The following CNOT2 variants were observed in gnomAD, a reference collection of about 807,000 sequenced individuals.
The protein encoded by CNOT2 is CC chemokine receptor 4-negative regulator of transcription 2.
CNOT2 carries 7 observed loss-of-function variants against 72.1 expected under a neutral mutation model. That is an observed-to-expected ratio of 0.10 (90% CI 0.06 to 0.18). The LOEUF (loss-of-function observed/expected upper bound fraction) is 0.18. Among genes scored for constraint, CNOT2 ranks in the 10% least tolerant of loss-of-function variants. CNOT2 has a pLI of 1.00. For synonymous variants in CNOT2, 196 were observed against 225.6 expected (o/e 0.87, Z 1.17); for missense variants, 345 against 660.3 (o/e 0.52, Z 5.23).
chr12:70,344,271 C>A, intron 14 of CNOT2, 43 bp downstream of exon 14: 1 of 1,186,236 alleles, frequency 8.4e-7, no homozygotes, highest in Non-Finnish European at 1.3e-6. Flanking sequence ...TATAGTGGAT[C>A]TTGACTATGC....
intron 2 of CNOT2, among the ~76,000 whole-genome samples, chr12:70,298,669 A>C (rs1873258079): frequency 6.6e-6 from 1 of 151,794 alleles, no homozygotes; most frequent in Non-Finnish European, 1.5e-5. Flanking sequence ...TTTAGTGTGA[A>C]AGTTTCAAAG....
chr12:70,269,685 G>T (rs1221859255), intron 1 of CNOT2, among the ~76,000 whole-genome samples: 1 of 152,168 alleles, frequency 6.6e-6, no homozygotes, highest in Non-Finnish European at 1.5e-5. Context: ...CATCACAGGT[G>T]CCTCTAGCAC....
intron 6 of CNOT2, 115 bp from the exon 7 acceptor site, chr12:70,332,652 G>T (rs1196560170): frequency 3.1e-6 from 4 of 1,290,938 alleles, no homozygotes; most frequent in Admixed American, 3.1e-5. Flanking sequence ...TATTAGTGTT[G>T]GTTTTGAAAC....
At chr12:70,343,585 T>C (rs1881781396) in intron 13 of CNOT2, among the ~76,000 whole-genome samples, 2 of 152,182 alleles carry the variant, frequency 1.3e-5, no homozygotes, top group South Asian at 4.1e-4. Context: ...CAGATATAGA[T>C]TCAGTTTAAC....
Position 70,253,735 on chromosome 12 carries a change from G to C in CNOT2, c.-96+10255G>C, listed in dbSNP as rs530394790. ...ACTGTAGAGCATGTCAAAGTATCAT[G>C]ATAATTATTCCTGATTATTAGTTAC... On this transcript the variant is annotated intron_variant, in intron 1 of 15. Transcript: ENST00000229195. 6.1e-4 allele frequency among the ~76,000 whole-genome samples: 93 copies of C among 152,234 alleles called. 1 individual carries two copies. In the South Asian group the frequency reaches 0.019, roughly 31 times the overall value.
intron 2 of CNOT2, among the ~76,000 whole-genome samples, chr12:70,289,067 CTT>C (rs1272051579): frequency 2.0e-5 from 3 of 151,086 alleles, no homozygotes; most frequent in African/African-American, 7.3e-5. Flanking sequence ...ACTTCTCTTC[CTT>C]TTTTCTTTCT....
chr12:70,261,551 CGTT>C lies in CNOT2; in HGVS notation c.-95-16578_-95-16576del, dbSNP rs1441697657. ...CAGGATGGTCTCAATCTCCTGACCT[CGTT>C]GTCCTCCTGCCTCAGCCTCCCAAAG... On this transcript the variant is annotated intron_variant, in intron 1 of 15. Transcript: ENST00000229195. 7.2e-5 allele frequency among the ~76,000 whole-genome samples: 11 copies of C among 151,794 alleles called. 1 individual carries two copies. In the South Asian group the frequency reaches 1.9e-3, roughly 26 times the overall value.
At chr12:70,326,285 G>A (rs1199589337) in intron 4 of CNOT2, among the ~76,000 whole-genome samples, 1 of 151,660 alleles carries the variant, frequency 6.6e-6, no homozygotes, top group African/African-American at 2.4e-5. Context: ...TTATAAGAAG[G>A]AATTGAGAGG....
At chr12:70,321,709 T>C (rs899098369) in intron 4 of CNOT2, 3 of 151,826 alleles carry the variant, frequency 2.0e-5, no homozygotes, top group African/African-American at 7.3e-5. Context: ...TATTGTATGT[T>C]CTTGATGGTT....
Position 70,310,920 on chromosome 12 carries a change from C to T in CNOT2, c.74C>T (p.Ser25Leu). 6.2e-7 allele frequency: 1 copy of T among 1,611,560 alleles called. No individual in the cohort carries two copies. The change falls in exon 3 of 16, where the codon TCA (serine) becomes TTA (leucine). Residue 25 changes from serine to leucine, a missense_variant. By Grantham distance (145) the Ser-to-Leu change is moderately radical. Transcript: ENST00000229195. ...YQVTNSMFGA[S>L]RKKFVEGVDS... ...GTGACAAACAGCATGTTTGGTGCTT[C>T]AAGAAAGAAGTTTGTAGAGGGGGTC...
At chr12:70,323,829 C>A (rs1018525347) in intron 4 of CNOT2, 1 of 151,640 alleles carries the variant, frequency 6.6e-6, no homozygotes, top group Non-Finnish European at 1.5e-5. Context: ...GTGTGAAAAC[C>A]ATCACTTGAT....
intron 4 of CNOT2, among the ~76,000 whole-genome samples, chr12:70,324,973 C>G (rs1251746875): frequency 6.6e-6 from 1 of 151,872 alleles, no homozygotes; most frequent in Non-Finnish European, 1.5e-5. Context: ...TGCTTCCAGA[C>G]TCACTCTATT....
chr12:70,324,067 A>G (rs917018648), intron 4 of CNOT2: 21 of 151,814 alleles, frequency 1.4e-4, no homozygotes, highest in Admixed American at 3.3e-4. Flanking sequence ...AAGTAGTAGA[A>G]CCAGGATTAT....
intron 2 of CNOT2, among the ~76,000 whole-genome samples, chr12:70,298,087 C>T (rs1873139746): frequency 6.6e-6 from 1 of 152,150 alleles, no homozygotes; most frequent in African/African-American, 2.4e-5. Flanking sequence ...AGCATAACTT[C>T]ATTTTCAAAT....
chr12:70,344,094 T>G (rs1434256606), intron 13 of CNOT2, 34 bp from the exon 14 acceptor site: 3 of 1,473,046 alleles, frequency 2.0e-6, no homozygotes, highest in Admixed American at 3.7e-5. Flanking sequence ...CAGATTTGTT[T>G]TATATTTCAG....
At chr12:70,346,799 C>T (rs1057366543) in intron 15 of CNOT2, among the ~76,000 whole-genome samples, 12 of 152,110 alleles carry the variant, frequency 7.9e-5, no homozygotes, top group African/African-American at 2.9e-4. Context: ...ATTTCTGTGA[C>T]TATTTTGCTA....
At chr12:70,345,890 T>TA (rs1192424313) in intron 14 of CNOT2, 1 of 250,722 alleles carries the variant, frequency 4.0e-6, no homozygotes, top group African/African-American at 2.3e-5. Context: ...CCTATGTTTT[T>TA]ATCACATTGC....
Position 70,332,624 on chromosome 12 carries a change from A to G in CNOT2, c.570-143A>G. The stretch of plus-strand genomic sequence containing the variant: ...AGAAGTTTTCAAGTAAAGATAAAGA[A>G]TAGATTCAGAAAAATAATATTAGTG... On this transcript the variant is annotated intron_variant, in intron 6 of 15. Coordinates refer to ENST00000229195, the MANE Select transcript of CNOT2 (RefSeq NM_014515.7). 3 of 1,179,884 alleles carry G rather than the reference A, an allele frequency of 2.5e-6. No individual in the cohort carries two copies. In the South Asian group the frequency reaches 8.3e-5, roughly 33 times the overall value. 73.1% of individuals were successfully genotyped at this position (1,179,884 alleles called of 1,614,324 possible). A position where few individuals can be genotyped will look rare whatever the true frequency, so the allele number is the denominator to read the frequency against.
At chr12:70,351,029 A>G (rs1367237200) in intron 15 of CNOT2, among the ~76,000 whole-genome samples, 1 of 152,222 alleles carries the variant, frequency 6.6e-6, no homozygotes, top group African/African-American at 2.4e-5. Flanking sequence ...AATTTTATTA[A>G]TAGAAGAACT....
Sources: allele counts gnomAD v4.1 joint callset (sites outside exome capture counted in the v4.1 genomes callset), GRCh38; gene constraint gnomAD v4.1.1; transcripts MANE v1.5; gene names NCBI Gene and HGNC (gene_info 2026-07-23, HGNC 2026-07-21).